The following MMP21 variants were observed in gnomAD, a reference collection of about 807,000 sequenced individuals.
The protein encoded by MMP21 is matrix metalloproteinase-21.
MMP21 carries 40 observed loss-of-function variants against 47.8 expected under a neutral mutation model. The ratio of observed to expected loss-of-function variants is 0.84; its 90% CI spans 0.65 to 1.09. MMP21 has a LOEUF of 1.09. Ranked by LOEUF, MMP21 falls within the 50% of genes least tolerant of loss-of-function variation. The pLI is 0.00. For synonymous variants in MMP21, 341 were observed against 318.0 expected, an observed-to-expected ratio of 1.07 and a Z score of -0.77; for missense variants, 747 against 775.3, an observed-to-expected ratio of 0.96 and a Z score of 0.43.
Position 125,775,713 on chromosome 10 carries a change from C to G in MMP21, c.109G>C (p.Glu37Gln), listed in dbSNP as rs778017154. 7.4e-6 allele frequency: 12 copies of G among 1,613,414 alleles called. No homozygotes were observed. The highest frequency in any genetic ancestry group is 9.3e-6 in the Non-Finnish European group (11 of 1,179,720). Reference sequence around the variant, plus strand: ...TTGGCCTGGCGCAGTGGGGACGGCTCCAGGTCCGAGCGGTCCCGGCTGTGG... The same window carrying G: ...TTGGCCTGGCGCAGTGGGGACGGCTGCAGGTCCGAGCGGTCCCGGCTGTGG... ...LFHSRDRSDLEPSPLRQAKPI... is the reference protein window; with the variant it reads ...LFHSRDRSDLQPSPLRQAKPI... The change falls in exon 1 of 7, where the codon GAG (glutamate) becomes CAG (glutamine). Residue 37 changes from glutamate to glutamine, a missense_variant. Coordinates refer to ENST00000368808, the MANE Select transcript of MMP21 (RefSeq NM_147191.1).
rs1346715748 is a variant in MMP21 at position 125,772,582 on chromosome 10, T to G, written c.837+29A>C. The stretch of plus-strand genomic sequence containing the variant: ...CAGCCCATGAGCACTGCTGGTGTCT[T>G]ATCAACACAGTGGCTCAGGACCACT... On this transcript the variant is annotated intron_variant, in intron 3 of 6. Coordinates refer to ENST00000368808, the MANE Select transcript of MMP21 (RefSeq NM_147191.1). The surrounding 1 kb of genome is among the most constrained non-coding windows in gnomAD (Gnocchi z 5.6). The G allele has an allele frequency of 1.2e-6, 2 of 1,614,076 alleles. No individual in the cohort carries two copies. Among genetic ancestry groups the G allele is most frequent in the Non-Finnish European group, 8.5e-7 (1 of 1,179,942 alleles).
At chr10:125,774,508 A>G in intron 1 of MMP21, 143 bp from the exon 2 acceptor site, 1 of 490,064 alleles carries the variant, frequency 2.0e-6, no homozygotes, top group Non-Finnish European at 3.3e-6. Context: ...GGAGAAACAG[A>G]TGGAGATAGC....
intron 5 of MMP21, among the ~76,000 whole-genome samples, chr10:125,770,066 A>C (rs1850428958): frequency 6.6e-6 from 1 of 152,176 alleles, no homozygotes; most frequent in Non-Finnish European, 1.5e-5. Flanking sequence ...AGGTGGGAAC[A>C]GCACTTGAGC....
Position 125,774,174 on chromosome 10 carries a change from C to T in MMP21, c.354G>A (p.Gly118=). The T allele has an allele frequency of 7.9e-7, 1 of 1,271,258 alleles. No homozygotes were observed. Among genetic ancestry groups the T allele is most frequent in the South Asian group, 2.7e-5 (1 of 37,116 alleles). 78.7% of individuals were successfully genotyped at this position (1,271,258 alleles called of 1,614,324 possible). ...TLAAMNRPRC[G]VPDMRPPPPS... is the part of the protein sequence containing the mutation. The stretch of plus-strand genomic sequence containing the variant: ...GGGGCGGTGGGCGCATGTCCGGGAC[C>T]CCGCAGCGCGGCCGGTTCATGGCCG... The change falls in exon 2 of 7, where the codon GGG becomes GGA. Residue 118 remains glycine, a synonymous_variant. Transcript: ENST00000368808.
At position 125,773,007 on chromosome 10, in the gene MMP21, C is replaced by T. The variant is rs1392375551; in HGVS notation, c.698-257G>A. Among the ~76,000 whole-genome samples, 1 of 152,214 alleles carries T rather than the reference C, an allele frequency of 6.6e-6. No homozygotes were observed. Among genetic ancestry groups the T allele is most frequent in the East Asian group, 1.9e-4 (1 of 5,184 alleles). Reference sequence around the variant, plus strand: ...GGAGCGGGGCTGGGTGAGAGCCCGGCTGGGGGCCTGGGAAGATGGCAAAAA... The same window carrying T: ...GGAGCGGGGCTGGGTGAGAGCCCGGTTGGGGGCCTGGGAAGATGGCAAAAA... On this transcript the variant is annotated intron_variant, in intron 2 of 6. Transcript: ENST00000368808. The surrounding 1 kb of genome is among the most constrained non-coding windows in gnomAD (Gnocchi z 4.8).
rs1850433664 is a variant in MMP21, at chr10:125,770,440, C to T, written c.1131G>A (p.Gly377=). The change falls in exon 5 of 7, where the codon GGG becomes GGA. Residue 377 remains glycine (G), a synonymous_variant. Transcript: ENST00000368808. ...YENRNNRTRY[G]DPIQILTGWP... The stretch of plus-strand genomic sequence containing the variant: ...AGCCAGTGAGGATTTGGATAGGGTC[C>T]CCATAGCGTGTCCTATTGTTTCGAT... 1 of 1,613,998 alleles carries T rather than the reference C, an allele frequency of 6.2e-7. No individual in the cohort carries two copies. The highest frequency in any genetic ancestry group is 8.5e-7 in the Non-Finnish European group (1 of 1,180,042).
rs966337624 is a variant in MMP21 at position 125,772,949 on chromosome 10, G to A, written c.698-199C>T. On this transcript the variant is annotated intron_variant, in intron 2 of 6. Transcript: ENST00000368808. The surrounding 1 kb of genome is among the most constrained non-coding windows in gnomAD (Gnocchi z 5.6). ...TGTTTACAGTCCACAGACTGTCAGA[G>A]ACCAGCAGGCACCAAGTGCCTGGGA... is the stretch of plus-strand genomic sequence containing the variant. Among the ~76,000 whole-genome samples the A allele has an allele frequency of 6.6e-6, 1 of 152,204 alleles. No homozygotes were observed. The highest frequency in any genetic ancestry group is 1.5e-5 in the Non-Finnish European group (1 of 68,034).
At position 125,772,747 on chromosome 10, in the gene MMP21, C is replaced by A; in HGVS notation, c.701G>T (p.Arg234Leu). ...VDIKLGFGRG[R>L]HLGCPRAFDG... ...GAAGGCCCGCGGACAGCCCAGGTGC[C>A]GGCCTGGCGAGGGGGAGGAGGAGTT... Residue 234 changes from arginine to leucine, a missense_variant, in exon 3 of 7, where the codon CGG (arginine) becomes CTG (leucine). Physicochemically the swap from Arg to Leu is moderately radical, Grantham distance 102. Coordinates refer to ENST00000368808, the MANE Select transcript of MMP21 (RefSeq NM_147191.1). This position sits in a 1 kb window ranked among gnomAD's most constrained non-coding sequence, Gnocchi z 5.6. 8 of 1,612,676 alleles carry A rather than the reference C, an allele frequency of 5.0e-6. No homozygotes were observed. The highest frequency in any genetic ancestry group is 6.8e-6 in the Non-Finnish European group (8 of 1,179,242).
intron 1 of MMP21, among the ~76,000 whole-genome samples, chr10:125,774,781 G>A (rs1158063865): frequency 6.6e-6 from 1 of 152,160 alleles, no homozygotes; most frequent in Non-Finnish European, 1.5e-5. Context: ...GGGGCAGGTC[G>A]CGCAGGGCAG....
At chr10:125,768,663 T>A (rs1850411748) in intron 5 of MMP21, among the ~76,000 whole-genome samples, 1 of 152,240 alleles carries the variant, frequency 6.6e-6, no homozygotes. Flanking sequence ...GAATTTCTTT[T>A]AATCCAAAAT....
rs778574250 is a variant in MMP21 at position 125,772,757 on chromosome 10, A to AG, written c.698-8dup. 1.4e-4 allele frequency: 230 copies of AG among 1,610,978 alleles called. No homozygotes were observed. The highest frequency in any genetic ancestry group is 1.8e-4 in the Non-Finnish European group (211 of 1,178,500). On this transcript the variant is annotated splice_polypyrimidine_tract_variant and splice_region_variant and intron_variant, in intron 2 of 6. Coordinates refer to ENST00000368808, the MANE Select transcript of MMP21 (RefSeq NM_147191.1). This position sits in a 1 kb window ranked among gnomAD's most constrained non-coding sequence, Gnocchi z 5.6. ...GGACAGCCCAGGTGCCGGCCTGGCG[A>AG]GGGGGAGGAGGAGTTGGTCCCGGTG...
chr10:125,766,571 T>A lies in MMP21; in HGVS notation c.*91A>T. 1 of 1,104,788 alleles carries A rather than the reference T, an allele frequency of 9.1e-7. No individual in the cohort carries two copies. The highest frequency in any genetic ancestry group is 1.8e-5 in the South Asian group (1 of 56,170). The allele number at this position is 1,104,788 out of a possible 1,614,324, so 68.4% of individuals were successfully genotyped here. ...TGGGTTTTAACTTACAGTGCCATAT[T>A]TTCTTCAGCTACTGAAAATCCGGTT... On this transcript the variant is annotated 3_prime_UTR_variant, in exon 7 of 7. Coordinates refer to ENST00000368808, the MANE Select transcript of MMP21 (RefSeq NM_147191.1).
chr10:125,774,247 C>A lies in MMP21; in HGVS notation c.281G>T (p.Arg94Leu). 1.4e-6 allele frequency: 2 copies of A among 1,414,056 alleles called. No homozygotes were observed. The highest frequency in any genetic ancestry group is 1.8e-6 in the Non-Finnish European group (2 of 1,087,954). The allele number at this position is 1,414,056 out of a possible 1,614,324, so 87.6% of individuals were successfully genotyped here. A position where few individuals can be genotyped will look rare whatever the true frequency, so the allele number is the denominator to read the frequency against. Residue 94 changes from arginine to leucine, a missense_variant, in exon 2 of 7, where the codon CGG (arginine) becomes CTG (leucine). Arg to Leu is a moderately radical substitution (Grantham distance 102, BLOSUM62 -2). Coordinates refer to ENST00000368808, the MANE Select transcript of MMP21 (RefSeq NM_147191.1). ...ALAEAVRRFQRANALPASGEL... is the reference protein window; with the variant it reads ...ALAEAVRRFQLANALPASGEL... ...CCCGCTGGCCGGCAGCGCGTTCGCCCGCTGGAACCTGCGCACCGCCTCGGC... is the reference window on the plus strand; with the variant it reads ...CCCGCTGGCCGGCAGCGCGTTCGCCAGCTGGAACCTGCGCACCGCCTCGGC...
rs780947472 is a variant in MMP21 at position 125,767,498 on chromosome 10, G to A, written c.1410+34C>T. The A allele has an allele frequency of 2.5e-5, 40 of 1,590,914 alleles. No individual in the cohort carries two copies. The Middle Eastern group carries it at 5.0e-4, about 20-fold the overall frequency. Reference sequence around the variant, plus strand: ...TGACGAATCTCTATTAGGGATGACAGAAGCATTGCTAGGCTGAAGAGCCTT... The same window carrying A: ...TGACGAATCTCTATTAGGGATGACAAAAGCATTGCTAGGCTGAAGAGCCTT... On this transcript the variant is annotated intron_variant, in intron 6 of 6. Coordinates refer to ENST00000368808, the MANE Select transcript of MMP21 (RefSeq NM_147191.1).
Position 125,773,651 on chromosome 10 carries a change from G to A in MMP21, c.697+180C>T, listed in dbSNP as rs1393048177. On this transcript the variant is annotated intron_variant, in intron 2 of 6. Transcript: ENST00000368808. The surrounding 1 kb of genome is among the most constrained non-coding windows in gnomAD (Gnocchi z 4.8). Reference sequence around the variant, plus strand: ...GGCCACACCAGGCTATCTGCAGGGTGACCATGATTCCGACAAGACGACGCT... The same window carrying A: ...GGCCACACCAGGCTATCTGCAGGGTAACCATGATTCCGACAAGACGACGCT... Among the ~76,000 whole-genome samples the A allele has an allele frequency of 6.6e-6, 1 of 152,056 alleles. No homozygotes were observed. The highest frequency in any genetic ancestry group is 1.5e-5 in the Non-Finnish European group (1 of 68,014).
In MMP21 at chr10:125,772,431, C is replaced by T. The variant is rs1427062969; in HGVS notation, c.838-72G>A. On this transcript the variant is annotated intron_variant, in intron 3 of 6. Transcript: ENST00000368808. This position sits in a 1 kb window ranked among gnomAD's most constrained non-coding sequence, Gnocchi z 5.6. The stretch of plus-strand genomic sequence containing the variant: ...GGATCCCTGCATAACAGACGCAGGC[C>T]TGTGCTTCGAGAGGAGCGTTGCTTG... 6 of 1,595,098 alleles carry T rather than the reference C, an allele frequency of 3.8e-6. No homozygotes were observed. The Admixed American group carries it at 6.7e-5, about 18-fold the overall frequency.
chr10:125,775,645 C>G lies in MMP21; in HGVS notation c.162+15G>C. 1.3e-6 allele frequency: 2 copies of G among 1,590,342 alleles called. No individual in the cohort carries two copies. Among genetic ancestry groups the G allele is most frequent in the Non-Finnish European group, 1.7e-6 (2 of 1,166,838 alleles). ...CGGGCCTGGGGGTATTGCTGTTCTT[C>G]CAGCTTCCTCCTACCTGAGCAGCGT... On this transcript the variant is annotated intron_variant, in intron 1 of 6. Coordinates refer to ENST00000368808, the MANE Select transcript of MMP21 (RefSeq NM_147191.1).
At chr10:125,770,270 AGACATTC>A in intron 5 of MMP21, 57 bp downstream of exon 5, 1 of 1,547,060 alleles carries the variant, frequency 6.5e-7, no homozygotes, top group Non-Finnish European at 8.9e-7. Flanking sequence ...TAGGGGCTCA[AGACATTC>A]CTTCTGAGTG....
chr10:125,772,857 CAG>C lies in MMP21; in HGVS notation c.698-109_698-108del. On this transcript the variant is annotated intron_variant, in intron 2 of 6. Transcript: ENST00000368808. This position sits in a 1 kb window ranked among gnomAD's most constrained non-coding sequence, Gnocchi z 5.6. ...TCCAGGAGCCGGCAGCAGAGGTAGACAGAGTGGCAGCTCCTGGATTAAGTCCT... is the reference window on the plus strand; with the variant it reads ...TCCAGGAGCCGGCAGCAGAGGTAGACAGTGGCAGCTCCTGGATTAAGTCCT... The C allele has an allele frequency of 2.4e-6, 3 of 1,259,730 alleles. No individual in the cohort carries two copies. The highest frequency in any genetic ancestry group is 3.3e-6 in the Non-Finnish European group (3 of 906,244). 78.0% of individuals were successfully genotyped at this position (1,259,730 alleles called of 1,614,324 possible).
Sources: allele counts gnomAD v4.1 joint callset (sites outside exome capture counted in the v4.1 genomes callset), GRCh38; gene constraint gnomAD v4.1.1; non-coding constraint Gnocchi (gnomAD v3.1); transcripts MANE v1.5; gene names NCBI Gene and HGNC (gene_info 2026-07-23, HGNC 2026-07-21).